FAT3: variants seen among roughly 807,000 people sequenced by gnomAD.
FAT3 encodes the protein protocadherin Fat 3.
A neutral mutation model predicts 310.2 loss-of-function variants in FAT3; 95 were observed. That is an observed-to-expected ratio of 0.31 (90% CI 0.26 to 0.36). FAT3 has a LOEUF of 0.36. FAT3 is among the 10% of genes least tolerant of loss of function. The pLI is 1.00. For missense variants in FAT3, 5,408 were observed against 5,715.6 expected (o/e 0.95, Z 1.74); for synonymous variants, 2,314 against 2,192.9 (o/e 1.06, Z -1.54).
chr11:92,542,301 TA>T (rs1954475131), intron 3 of FAT3, among the ~76,000 whole-genome samples: 1 of 151,930 alleles, frequency 6.6e-6, no homozygotes, highest in African/African-American at 2.4e-5. Context: ...GATAAGACCC[TA>T]AAACACAGGC....
chr11:92,600,209 T>G (rs1388718213), intron 3 of FAT3, among the ~76,000 whole-genome samples: 1 of 152,222 alleles, frequency 6.6e-6, no homozygotes, highest in East Asian at 1.9e-4. Context: ...CTGTTGTGAA[T>G]GGAGAAGCTG....
chr11:92,841,076 C>G (rs1948537157), intron 18 of FAT3, among the ~76,000 whole-genome samples: 1 of 152,166 alleles, frequency 6.6e-6, no homozygotes, highest in Non-Finnish European at 1.5e-5. Context: ...CACATTACCC[C>G]ACTTGGGACA....
At chr11:92,436,332 G>A (rs1465412896) in intron 2 of FAT3, among the ~76,000 whole-genome samples, 2 of 152,046 alleles carry the variant, frequency 1.3e-5, no homozygotes, top group African/African-American at 4.8e-5. Flanking sequence ...TCTAGGGACA[G>A]GGTTTTGCTA....
intron 2 of FAT3, among the ~76,000 whole-genome samples, chr11:92,403,035 C>G (rs917045490): frequency 6.6e-6 from 1 of 152,194 alleles, no homozygotes; most frequent in Non-Finnish European, 1.5e-5. Context: ...CCTTCACTAA[C>G]AAGATAGCAG....
intron 2 of FAT3, among the ~76,000 whole-genome samples, chr11:92,460,432 C>T (rs1050619258): frequency 5.9e-5 from 9 of 152,182 alleles, no homozygotes; most frequent in African/African-American, 9.7e-5. Context: ...GGACTAATTA[C>T]GCAGCTGTCA....
At position 92,834,968 on chromosome 11, in the gene FAT3, G is replaced by A; in HGVS notation, c.9970G>A (p.Val3324Met). ...TGGGGGCACCCCAGCTCTCAGCGCT[G>A]TGGCCACTGTCAACATCAACCTCAC... Reference protein sequence around the residue: ...KDGGTPALSAVATVNINLTDV... With the variant: ...KDGGTPALSAMATVNINLTDV... Residue 3324 changes from valine (V) to methionine (M), a missense_variant, in exon 15 of 28, where the codon GTG (valine) becomes ATG (methionine). Physicochemically the swap from Val to Met is conservative, Grantham distance 21. This residue lies in a region of FAT3 where 4,588 missense variants were observed against 4,809.8 expected (regional missense o/e 0.95). Transcript: ENST00000525166. 1 of 1,613,478 alleles carries A rather than the reference G, an allele frequency of 6.2e-7. No homozygotes were observed. The highest frequency in any genetic ancestry group is 8.5e-7 in the Non-Finnish European group (1 of 1,179,710).
chr11:92,776,509 A>G (rs1032439088), intron 7 of FAT3, among the ~76,000 whole-genome samples: 1 of 152,230 alleles, frequency 6.6e-6, no homozygotes, highest in Non-Finnish European at 1.5e-5. Flanking sequence ...TCACAGTTTT[A>G]AATCCAGGTG....
chr11:92,764,083 C>T (rs770248350), intron 5 of FAT3, among the ~76,000 whole-genome samples: 4 of 151,332 alleles, frequency 2.6e-5, no homozygotes, highest in African/African-American at 4.9e-5. Flanking sequence ...AGCTTTTGAC[C>T]CTCCCATTTG....
intron 2 of FAT3, among the ~76,000 whole-genome samples, chr11:92,359,420 G>A (rs1001492947): frequency 2.0e-5 from 3 of 152,072 alleles, no homozygotes; most frequent in African/African-American, 7.2e-5. Flanking sequence ...TTAATGTTTT[G>A]TGGAAGTGTG....
rs7117016 is a variant in FAT3 at position 92,308,007 on chromosome 11, G to T, written c.-17-44089G>T. Among the ~76,000 whole-genome samples, 445 of 151,906 alleles carry T rather than the reference G, an allele frequency of 2.9e-3. 6 individuals carry two copies. Among genetic ancestry groups the T allele is most frequent in the African/African-American group, 9.7e-3 (402 of 41,396 alleles). On this transcript the variant is annotated intron_variant, in intron 1 of 27. Coordinates refer to ENST00000525166, the MANE Select transcript of FAT3 (RefSeq NM_001367949.2). ...TTTCTTTTAACCAGATGTAAACCTA[G>T]CTCTAGTAGCCCTGAACTTAACAGC...
At chr11:92,512,841 G>GTTCAT (rs1423264360) in intron 2 of FAT3, among the ~76,000 whole-genome samples, 2 of 95,082 alleles carry the variant, frequency 2.1e-5, no homozygotes, top group African/African-American at 4.5e-5. Flanking sequence ...TAAGATTATC[G>GTTCAT]GCCGGGCGCG....
chr11:92,844,434 C>T lies in FAT3; in HGVS notation c.11067C>T (p.Ser3689=), dbSNP rs576218915. 14 of 1,614,002 alleles carry T rather than the reference C, an allele frequency of 8.7e-6. No homozygotes were observed. In the Admixed American group the frequency reaches 2.0e-4, roughly 23 times the overall value. ...TQKQDSLRII[S]IQPVAGTNQL... is the part of the protein sequence containing the mutation. ...AGCAGGACAGCCTGCGCATCATCAG[C>T]ATCCAGCCCGTGGCAGGCACCAACC... is the stretch of plus-strand genomic sequence containing the variant. The change falls in exon 19 of 28, where the codon AGC becomes AGT. Residue 3689 remains serine (S), a synonymous_variant. Coordinates refer to ENST00000525166, the MANE Select transcript of FAT3 (RefSeq NM_001367949.2).
chr11:92,462,523 T>A (rs1479143606), intron 2 of FAT3, among the ~76,000 whole-genome samples: 1 of 152,182 alleles, frequency 6.6e-6, no homozygotes, highest in East Asian at 1.9e-4. Context: ...AGTATCCTGC[T>A]GTTTCAAGAA....
rs1456815699 is a variant in FAT3 at position 92,353,404 on chromosome 11, C to G, written c.1292C>G (p.Thr431Arg). 1 of 1,613,298 alleles carries G rather than the reference C, an allele frequency of 6.2e-7. No homozygotes were observed. Among genetic ancestry groups the G allele is most frequent in the Non-Finnish European group, 8.5e-7 (1 of 1,179,734 alleles). The change falls in exon 2 of 28, where the codon ACA becomes AGA. Residue 431 changes from threonine (T) to arginine (R), a missense_variant. Thr to Arg is a moderately conservative substitution (Grantham distance 71). Around this residue, in one of 5 missense-constraint regions of FAT3, gnomAD observed 4,588 missense variants for 4,809.8 expected, o/e 0.95. Transcript: ENST00000525166. ...AATCCTCGGTCGGGTCTGATTGTTACAGCACGGCCACTGAATACTGTTAAG... is the reference window on the plus strand; with the variant it reads ...AATCCTCGGTCGGGTCTGATTGTTAGAGCACGGCCACTGAATACTGTTAAG... ...KINPRSGLIVTARPLNTVKKE... is the reference protein window; with the variant it reads ...KINPRSGLIVRARPLNTVKKE...
chr11:92,327,672 A>T (rs2134520070), intron 1 of FAT3, among the ~76,000 whole-genome samples: 1 of 152,312 alleles, frequency 6.6e-6, no homozygotes, highest in South Asian at 2.1e-4. Context: ...AAACGGAGTC[A>T]GCAGCAGCAA....
chr11:92,882,098 C>T (rs76886929), intron 23 of FAT3, among the ~76,000 whole-genome samples: 9,060 of 152,262 alleles, frequency 0.06, 342 homozygotes, highest in Middle Eastern at 0.12. Flanking sequence ...ATCCCAAAAG[C>T]TCTGAGAACT....
At chr11:92,229,519 T>TG (rs1382684450) in intron 1 of FAT3, among the ~76,000 whole-genome samples, 1 of 130,822 alleles carries the variant, frequency 7.6e-6, no homozygotes, top group East Asian at 2.4e-4. Flanking sequence ...TTTTTGTTTT[T>TG]TTTTACATTG....
At position 92,754,344 on chromosome 11, in the gene FAT3, G is replaced by A. The variant is rs565379289; in HGVS notation, c.3670-7512G>A. Among the ~76,000 whole-genome samples, 360 of 151,898 alleles carry A rather than the reference G, an allele frequency of 2.4e-3. 1 individual carries two copies. The highest frequency in any genetic ancestry group is 6.8e-3 in the Middle Eastern group (2 of 294). On this transcript the variant is annotated intron_variant, in intron 4 of 27. Transcript: ENST00000525166. ...TTCAGCCTTTAAAAAGAAGGAAATC[G>A]GCCGGGCGCGATGGCTCACGCCTGT...
chr11:92,639,187 A>C (rs1227784833), intron 3 of FAT3, among the ~76,000 whole-genome samples: 1 of 152,186 alleles, frequency 6.6e-6, no homozygotes, highest in East Asian at 1.9e-4. Flanking sequence ...TACCTGCATG[A>C]TGGATGGGAG....
Sources: gnomAD v4.1 joint callset for allele counts (sites outside exome capture counted in the v4.1 genomes callset) on GRCh38, gnomAD v4.1.1 for gene constraint, gnomAD v4.1.1 regional missense constraint, MANE v1.5 for transcripts, NCBI Gene and HGNC (gene_info 2026-07-23, HGNC 2026-07-21) for gene names.